The following TNFAIP3 variants were observed in gnomAD, a reference collection of about 807,000 sequenced individuals.
The protein encoded by TNFAIP3 is TNF alpha induced protein 3.
TNFAIP3 carries 9 observed loss-of-function variants against 72.4 expected under a neutral mutation model. That is an observed-to-expected ratio of 0.12 (90% confidence interval 0.07 to 0.22). The LOEUF is 0.22. Among genes scored for constraint, TNFAIP3 ranks in the 10% least tolerant of loss-of-function variants. TNFAIP3 has a pLI of 1.00. For synonymous variants in TNFAIP3, 339 were observed against 372.6 expected, an observed-to-expected ratio of 0.91 and a Z score of 1.04; for missense variants, 833 against 1,018.7, an observed-to-expected ratio of 0.82 and a Z score of 2.48.
At chr6:137,869,217 G>A (rs1242049139) in intron 1 of TNFAIP3, among the ~76,000 whole-genome samples, 2 of 152,178 alleles carry the variant, frequency 1.3e-5, no homozygotes, top group African/African-American at 2.4e-5. Flanking sequence ...AGGTGGTAGT[G>A]TAATTTCAGG....
At chr6:137,868,795 A>G (rs1020804845) in intron 1 of TNFAIP3, among the ~76,000 whole-genome samples, 2 of 152,260 alleles carry the variant, frequency 1.3e-5, no homozygotes, top group African/African-American at 4.8e-5. Context: ...GTGGTCCAAG[A>G]CCTGGAAATC....
At chr6:137,866,940 A>G (rs1775851567), upstream of TNFAIP3, 1 of 152,100 alleles carries the variant, frequency 6.6e-6, no homozygotes, top group Non-Finnish European at 1.5e-5. Flanking sequence ...TTCCACATGG[A>G]TGTGACGTGA....
Position 137,871,075 on chromosome 6 carries a change from T to C in TNFAIP3, c.-15-138T>C, listed in dbSNP as rs750297952. ...CTGGGGCCAGCTAGTATCCCGGGAGTAGAGGTGCTAAGATCTTTTGCCTAC... is the reference window on the plus strand; with the variant it reads ...CTGGGGCCAGCTAGTATCCCGGGAGCAGAGGTGCTAAGATCTTTTGCCTAC... On this transcript the variant is annotated intron_variant, in intron 1 of 8. Coordinates refer to ENST00000612899, the MANE Select transcript of TNFAIP3 (RefSeq NM_001270508.2). This position sits in a 1 kb window ranked among gnomAD's most constrained non-coding sequence, Gnocchi z 4.2. The C allele has an allele frequency of 1.2e-3, 807 of 697,396 alleles. 1 individual carries two copies. Among genetic ancestry groups the C allele is most frequent in the Non-Finnish European group, 1.7e-3 (712 of 430,440 alleles). 43.2% of individuals were successfully genotyped at this position (697,396 alleles called of 1,614,324 possible).
chr6:137,873,322 T>C (rs1776125613), intron 2 of TNFAIP3, among the ~76,000 whole-genome samples: 1 of 152,192 alleles, frequency 6.6e-6, no homozygotes, highest in Non-Finnish European at 1.5e-5. Context: ...TTTGAGGATA[T>C]GAGACTGCGG....
chr6:137,879,434 T>C (rs556378088), intron 7 of TNFAIP3, 83 bp downstream of exon 7: 3 of 1,464,050 alleles, frequency 2.0e-6, no homozygotes, highest in South Asian at 1.4e-5. Context: ...AAAAAGCCCA[T>C]GTAGGCAGTC....
At chr6:137,872,392 A>G (rs922350380) in intron 2 of TNFAIP3, among the ~76,000 whole-genome samples, 6 of 152,246 alleles carry the variant, frequency 3.9e-5, no homozygotes, top group African/African-American at 9.6e-5. Context: ...CATAGTCTAC[A>G]TAAGAGCAGG....
Position 137,867,901 on chromosome 6 carries a change from GCTCAT to G in TNFAIP3, c.-16+360_-16+364del. 6.6e-6 allele frequency: 1 copy of G among 152,544 alleles called. No individual in the cohort carries two copies. Among genetic ancestry groups the G allele is most frequent in the African/African-American group, 2.4e-5 (1 of 41,578 alleles). The allele number at this position is 152,544 out of a possible 1,614,324, so 9.4% of individuals were successfully genotyped here. A position where few individuals can be genotyped will look rare whatever the true frequency, so the allele number is the denominator to read the frequency against. On this transcript the variant is annotated intron_variant, in intron 1 of 8. Transcript: ENST00000612899. This position sits in a 1 kb window ranked among gnomAD's most constrained non-coding sequence, Gnocchi z 6.0. ...TCTTTTTTGGAGCCAAGCGTTGCAT[GCTCAT>G]GGCCACGTAGACCTTGCAGAAGCGC...
chr6:137,869,168 G>C (rs771999257), intron 1 of TNFAIP3, among the ~76,000 whole-genome samples: 5 of 152,190 alleles, frequency 3.3e-5, no homozygotes, highest in Non-Finnish European at 5.9e-5. Flanking sequence ...TGTGGGATCT[G>C]AGCAGTACCT....
chr6:137,874,317 G>A (rs904898212), intron 2 of TNFAIP3, among the ~76,000 whole-genome samples: 2 of 152,192 alleles, frequency 1.3e-5, no homozygotes, highest in African/African-American at 2.4e-5. Context: ...GGCTAAAGTG[G>A]AATGGTCAAG....
At position 137,881,402 on chromosome 6, in the gene TNFAIP3, C is replaced by A; in HGVS notation, c.*83C>A. 1 of 1,269,324 alleles carries A rather than the reference C, an allele frequency of 7.9e-7. No homozygotes were observed. The highest frequency in any genetic ancestry group is 1.1e-6 in the Non-Finnish European group (1 of 913,202). 78.6% of individuals were successfully genotyped at this position (1,269,324 alleles called of 1,614,324 possible). On this transcript the variant is annotated 3_prime_UTR_variant, in exon 9 of 9. Coordinates refer to ENST00000612899, the MANE Select transcript of TNFAIP3 (RefSeq NM_001270508.2). This position sits in a 1 kb window ranked among gnomAD's most constrained non-coding sequence, Gnocchi z 5.0. ...TGGTGCTATCCTCTGAACCCCTCAG[C>A]TGCCACTGCAACAGTGGGCTTAAGG...
intron 6 of TNFAIP3, 107 bp from the exon 7 acceptor site, chr6:137,878,325 T>G (rs1436187759): frequency 1.0e-5 from 10 of 996,184 alleles, no homozygotes; most frequent in Non-Finnish European, 1.0e-5. Context: ...GTTCTACAAT[T>G]CTTGCCATAA....
chr6:137,877,003 A>C, intron 5 of TNFAIP3, 73 bp from the exon 6 acceptor site: 1 of 1,224,756 alleles, frequency 8.2e-7, no homozygotes, highest in South Asian at 1.7e-5. Flanking sequence ...ATACATTTTC[A>C]AAATGAGATC....
chr6:137,875,314 T>C (rs912159877), intron 3 of TNFAIP3, among the ~76,000 whole-genome samples: 3 of 152,234 alleles, frequency 2.0e-5, no homozygotes, highest in African/African-American at 7.2e-5. Context: ...GTTTTTCAGT[T>C]TGATTGCCCT....
intron 1 of TNFAIP3, among the ~76,000 whole-genome samples, chr6:137,870,011 G>T (rs1776003910): frequency 6.6e-6 from 1 of 152,184 alleles, no homozygotes; most frequent in Non-Finnish European, 1.5e-5. Context: ...TGTTGGCATG[G>T]GTTGTAGATG....
At chr6:137,879,565 T>C (rs1471670907) in intron 7 of TNFAIP3, among the ~76,000 whole-genome samples, 3 of 152,156 alleles carry the variant, frequency 2.0e-5, no homozygotes, top group African/African-American at 7.2e-5. Context: ...GCTCCTAATA[T>C]CACATTCCAA....
rs1775897839 is a variant in TNFAIP3 at position 137,867,970 on chromosome 6, G to A, written c.-16+428G>A. On this transcript the variant is annotated intron_variant, in intron 1 of 8. Coordinates refer to ENST00000612899, the MANE Select transcript of TNFAIP3 (RefSeq NM_001270508.2). The surrounding 1 kb of genome is among the most constrained non-coding windows in gnomAD (Gnocchi z 6.0). ...CAAATTGTGCAGGACCAGCCCGACG[G>A]GGCGTAGGGTACCGCAGTGGCCGCC... 6.6e-6 allele frequency: 1 copy of A among 152,562 alleles called. No individual in the cohort carries two copies. Among genetic ancestry groups the A allele is most frequent in the Non-Finnish European group, 1.5e-5 (1 of 68,150 alleles). 9.5% of individuals were successfully genotyped at this position (152,562 alleles called of 1,614,324 possible).
At chr6:137,877,323 T>G in intron 6 of TNFAIP3, 67 bp downstream of exon 6, 4 of 1,433,710 alleles carry the variant, frequency 2.8e-6, no homozygotes, top group Non-Finnish European at 3.8e-6. Flanking sequence ...GCCACCTGAG[T>G]TGCTGCCACC....
chr6:137,878,960 C>T lies in TNFAIP3; in HGVS notation c.1515C>T (p.His505=), dbSNP rs751386175. Residue 505 remains histidine (H), a synonymous_variant, in exon 7 of 9, where the codon CAC becomes CAT. Transcript: ENST00000612899. ...GTTGCCACAACGCCCGGCAACTTCA[C>T]GCCAGCCACGCCCCAGACCACACAA... ...CERCHNARQL[H]ASHAPDHTRH... The T allele has an allele frequency of 7.4e-6, 12 of 1,614,092 alleles. No individual in the cohort carries two copies. The highest frequency in any genetic ancestry group is 6.6e-5 in the South Asian group (6 of 91,082).
chr6:137,873,249 C>G (rs1204076072), intron 2 of TNFAIP3, among the ~76,000 whole-genome samples: 1 of 151,972 alleles, frequency 6.6e-6, no homozygotes, highest in Non-Finnish European at 1.5e-5. Flanking sequence ...TAATCCTTCC[C>G]CTGATAGGAG....
Sources: allele counts gnomAD v4.1 joint callset (sites outside exome capture counted in the v4.1 genomes callset), GRCh38; gene constraint gnomAD v4.1.1; non-coding constraint Gnocchi (gnomAD v3.1); transcripts MANE v1.5; gene names NCBI Gene and HGNC (gene_info 2026-07-23, HGNC 2026-07-21).